The following SSH2 variants were observed in gnomAD, a reference collection of about 807,000 sequenced individuals.
SSH2 encodes protein phosphatase Slingshot homolog 2.
In SSH2, 37 loss-of-function variants were observed where a neutral mutation model predicts 135.2. The ratio of observed to expected loss-of-function variants is 0.27; its 90% confidence interval spans 0.21 to 0.36. The LOEUF (loss-of-function observed/expected upper bound fraction) is 0.36, where lower values mean the gene tolerates loss of function less well. Ranked by LOEUF, SSH2 falls within the 10% of genes least tolerant of loss-of-function variation. The probability of loss-of-function intolerance (pLI) is 1.00; values close to 1 mark genes in which losing one functional copy is unlikely to be tolerated. For missense variants in SSH2, 1,408 were observed against 1,765.3 expected (o/e 0.80, Z 3.63); for synonymous variants, 628 against 646.2 (o/e 0.97, Z 0.43).
intron 1 of SSH2, among the ~76,000 whole-genome samples, chr17:29,926,715 T>C (rs1158712748): frequency 1.3e-5 from 2 of 152,210 alleles, no homozygotes; most frequent in East Asian, 3.8e-4. Flanking sequence ...CTCTTACTAC[T>C]GTCCCATACA....
chr17:29,927,821 T>C (rs1567659404), intron 1 of SSH2, among the ~76,000 whole-genome samples: 1 of 152,190 alleles, frequency 6.6e-6, no homozygotes, highest in African/African-American at 2.4e-5. Flanking sequence ...GGGCCAAGTA[T>C]AAACAACTGA....
At chr17:29,886,921 C>T (rs576310908) in intron 1 of SSH2, among the ~76,000 whole-genome samples, 2 of 152,190 alleles carry the variant, frequency 1.3e-5, no homozygotes, top group South Asian at 4.1e-4. Flanking sequence ...GTTCTGAAGA[C>T]ACTTTACCAA....
At chr17:29,920,024 A>G (rs1390860423) in intron 1 of SSH2, among the ~76,000 whole-genome samples, 1 of 152,102 alleles carries the variant, frequency 6.6e-6, no homozygotes, top group Non-Finnish European at 1.5e-5. Flanking sequence ...ATTCTGCCTC[A>G]GCCTCCCGAG....
intron 1 of SSH2, among the ~76,000 whole-genome samples, chr17:29,885,751 T>C (rs1047157547): frequency 6.6e-6 from 1 of 152,162 alleles, no homozygotes; most frequent in African/African-American, 2.4e-5. Flanking sequence ...TGGTTTTTCC[T>C]GTGCTGTTCT....
At chr17:29,841,765 C>T (rs1439050479) in intron 2 of SSH2, among the ~76,000 whole-genome samples, 3 of 152,150 alleles carry the variant, frequency 2.0e-5, no homozygotes, top group Non-Finnish European at 4.4e-5. Flanking sequence ...CTCATTCTGT[C>T]ACCCAGGCTG....
intron 2 of SSH2, among the ~76,000 whole-genome samples, chr17:29,798,320 G>A (rs569291822): frequency 2.5e-4 from 38 of 151,452 alleles, no homozygotes; most frequent in Admixed American, 2.6e-4. Context: ...CACCGTGCCC[G>A]GCTAATTTTT....
At chr17:29,683,941 C>T (rs1232240820) in intron 6 of SSH2, among the ~76,000 whole-genome samples, 6 of 152,096 alleles carry the variant, frequency 3.9e-5, no homozygotes, top group African/African-American at 1.2e-4. Context: ...GAGCGAGACG[C>T]TGTCTCAAAA....
intron 3 of SSH2, among the ~76,000 whole-genome samples, chr17:29,721,040 C>A (rs186719772): frequency 5.9e-5 from 9 of 152,254 alleles, no homozygotes; most frequent in Admixed American, 2.6e-4. Flanking sequence ...TTTAACAGTT[C>A]AAATTCACTA....
intron 1 of SSH2, among the ~76,000 whole-genome samples, chr17:29,907,553 T>C (rs1282422657): frequency 6.6e-6 from 1 of 152,254 alleles, no homozygotes; most frequent in Non-Finnish European, 1.5e-5. Flanking sequence ...TCTATTTTCC[T>C]TAGGCACTAG....
chr17:29,677,260 A>T (rs1257550355), intron 7 of SSH2, among the ~76,000 whole-genome samples: 2 of 146,458 alleles, frequency 1.4e-5, no homozygotes, highest in Non-Finnish European at 3.0e-5. Flanking sequence ...ACATTCTAAA[A>T]ACATTAGGAG....
chr17:29,676,047 T>C (rs2037701639), intron 8 of SSH2: 1 of 152,196 alleles, frequency 6.6e-6, no homozygotes, highest in Non-Finnish European at 1.5e-5. Context: ...GCAAGTATAA[T>C]GTTTTCTCTA....
intron 1 of SSH2, among the ~76,000 whole-genome samples, chr17:29,862,504 C>G (rs935577506): frequency 2.0e-5 from 3 of 152,202 alleles, no homozygotes; most frequent in Admixed American, 6.5e-5. Context: ...CTCCCCTGAA[C>G]ACATGATATT....
chr17:29,696,262 A>G (rs2151106690), intron 4 of SSH2, among the ~76,000 whole-genome samples: 1 of 150,432 alleles, frequency 6.6e-6, no homozygotes, highest in African/African-American at 2.4e-5. Context: ...CAAAAAATAT[A>G]TATATACACA....
intron 3 of SSH2, among the ~76,000 whole-genome samples, chr17:29,775,120 T>C (rs1198590172): frequency 1.3e-5 from 2 of 152,174 alleles, no homozygotes; most frequent in African/African-American, 2.4e-5. Context: ...CTAGTTTCAA[T>C]TTATACATTT....
At chr17:29,925,878 C>A (rs2067054751) in intron 1 of SSH2, among the ~76,000 whole-genome samples, 2 of 151,796 alleles carry the variant, frequency 1.3e-5, no homozygotes, top group Non-Finnish European at 2.9e-5. Context: ...ATGTTTTGTC[C>A]ATTAAAAGTT....
At position 29,789,584 on chromosome 17, in the gene SSH2, C is replaced by T. The variant is rs145008658; in HGVS notation, c.188+4310G>A. Among the ~76,000 whole-genome samples, 358 of 152,274 alleles carry T rather than the reference C, an allele frequency of 2.4e-3. 1 individual carries two copies. The highest frequency in any genetic ancestry group is 6.8e-3 in the Middle Eastern group (2 of 294). ...CTCTCATCACACCCACCATGGGTGGCGATCAGGGAGCAGGCTGTCTTCACT... is the reference window on the plus strand; with the variant it reads ...CTCTCATCACACCCACCATGGGTGGTGATCAGGGAGCAGGCTGTCTTCACT... On this transcript the variant is annotated intron_variant, in intron 3 of 15. Coordinates refer to ENST00000540801, the MANE Select transcript of SSH2 (RefSeq NM_001282129.2).
At chr17:29,814,618 A>G (rs185807087) in intron 2 of SSH2, among the ~76,000 whole-genome samples, 1 of 152,168 alleles carries the variant, frequency 6.6e-6, no homozygotes, top group East Asian at 1.9e-4. Context: ...TATGCAGACT[A>G]TTCATAATGG....
intron 3 of SSH2, among the ~76,000 whole-genome samples, chr17:29,778,531 T>C (rs1457373551): frequency 6.6e-6 from 1 of 151,922 alleles, no homozygotes; most frequent in African/African-American, 2.4e-5. Flanking sequence ...TCCCAGCTAC[T>C]CAGGAGGCTG....
chr17:29,919,063 T>C (rs1392567683), intron 1 of SSH2, among the ~76,000 whole-genome samples: 3 of 152,206 alleles, frequency 2.0e-5, no homozygotes, highest in Non-Finnish European at 2.9e-5. Context: ...TTCCTCTTTC[T>C]CAAGGCTTAT....
Sources: gnomAD v4.1 joint callset for allele counts (sites outside exome capture counted in the v4.1 genomes callset) on GRCh38, gnomAD v4.1.1 for gene constraint, MANE v1.5 for transcripts, NCBI Gene and HGNC (gene_info 2026-07-23, HGNC 2026-07-21) for gene names.